Variants in CFAP210 observed in about 807,000 individuals in gnomAD.
The protein encoded by CFAP210 is cilia- and flagella- associated protein 210.
the CFAP210 span, among the ~76,000 whole-genome samples, chr2:169,690,737 A>G: frequency 6.6e-6 from 1 of 151,236 alleles, no homozygotes; most frequent in East Asian, 1.9e-4. Context: ...CTGCCCCTGG[A>G]CTCCATAATT....
the CFAP210 span, chr2:169,650,424 C>T: frequency 6.2e-7 from 1 of 1,608,084 alleles, no homozygotes. Context: ...TCAGCTTCTG[C>T]AATATCTCTA....
At chr2:169,650,472 A>G in the CFAP210 span, 1 of 1,599,862 alleles carries the variant, frequency 6.3e-7, no homozygotes, top group Non-Finnish European at 8.5e-7. Flanking sequence ...TTCTCTTTCA[A>G]CAGTTCACTC....
At chr2:169,693,330 T>C in the CFAP210 span, among the ~76,000 whole-genome samples, 1 of 152,234 alleles carries the variant, frequency 6.6e-6, no homozygotes, top group Non-Finnish European at 1.5e-5. Context: ...CAGAAATGCA[T>C]ATGCAGGAAA....
the CFAP210 span, chr2:169,645,636 T>C: frequency 1.9e-6 from 1 of 524,508 alleles, no homozygotes; most frequent in African/African-American, 1.9e-5. Flanking sequence ...ATTTAAAAAG[T>C]AAACTTGTGT....
the CFAP210 span, chr2:169,694,329 A>G: frequency 0.42 from 674,579 of 1,612,478 alleles, 144,162 homozygotes; most frequent in Middle Eastern, 0.46. Context: ...GGTGTCCATG[A>G]TGCTCCTAGA....
chr2:169,658,857 A>G, the CFAP210 span: 8 of 193,476 alleles, frequency 4.1e-5, no homozygotes, highest in Non-Finnish European at 6.4e-5. Context: ...CAGTTGTGGT[A>G]GCTCATGTCT....
the CFAP210 span, chr2:169,674,927 C>T: frequency 1.3e-6 from 2 of 1,535,990 alleles, no homozygotes; most frequent in African/African-American, 1.4e-5. Flanking sequence ...TTTCAATGGC[C>T]TTTTTTCTTT....
chr2:169,669,301 G>A, the CFAP210 span, among the ~76,000 whole-genome samples: 1 of 152,178 alleles, frequency 6.6e-6, no homozygotes, highest in Non-Finnish European at 1.5e-5. Context: ...ACTGGTAAGA[G>A]AGGAGGTTGC....
the CFAP210 span, among the ~76,000 whole-genome samples, chr2:169,662,646 A>G: frequency 9.9e-5 from 15 of 152,222 alleles, no homozygotes; most frequent in Non-Finnish European, 2.1e-4. Flanking sequence ...TCCTTGCTTC[A>G]AAATTTATTT....
At chr2:169,662,416 T>TC in the CFAP210 span, 3 of 1,596,452 alleles carry the variant, frequency 1.9e-6, no homozygotes, top group Non-Finnish European at 2.6e-6. Context: ...TCTTTCCTCT[T>TC]CTTCCTCATG....
At chr2:169,664,050 T>C in the CFAP210 span, among the ~76,000 whole-genome samples, 1 of 149,790 alleles carries the variant, frequency 6.7e-6, no homozygotes, top group Admixed American at 6.7e-5. Context: ...AAAAAAAAAT[T>C]TGGCCGGATG....
the CFAP210 span, among the ~76,000 whole-genome samples, chr2:169,676,894 C>G: frequency 1.3e-5 from 2 of 152,138 alleles, no homozygotes; most frequent in Admixed American, 1.3e-4. Flanking sequence ...CTCTCAGTGC[C>G]TCAAACAATG....
chr2:169,660,610 T>G, the CFAP210 span, among the ~76,000 whole-genome samples: 2 of 148,466 alleles, frequency 1.3e-5, no homozygotes, highest in East Asian at 1.9e-4. Flanking sequence ...ATATATTTTT[T>G]TTTTTTTCTT....
chr2:169,662,411 C>T, the CFAP210 span: 2 of 1,595,708 alleles, frequency 1.3e-6, no homozygotes, highest in East Asian at 2.2e-5. Flanking sequence ...TTCCTTCTTT[C>T]CTCTTCTTCC....
chr2:169,692,360 A>G, the CFAP210 span, among the ~76,000 whole-genome samples: 1 of 151,998 alleles, frequency 6.6e-6, no homozygotes, highest in African/African-American at 2.4e-5. Context: ...AGGTGCCAGC[A>G]TCTGGCAGGG....
the CFAP210 span, chr2:169,675,141 G>T: frequency 2.3e-6 from 2 of 880,748 alleles, no homozygotes; most frequent in African/African-American, 1.8e-5. Context: ...TGTTTTTATT[G>T]TATTTGTAAT....
the CFAP210 span, among the ~76,000 whole-genome samples, chr2:169,685,033 G>A: frequency 6.6e-6 from 1 of 152,152 alleles, no homozygotes; most frequent in African/African-American, 2.4e-5. Context: ...TCAGTTGATG[G>A]ATATTAGGGG....
the CFAP210 span, chr2:169,694,372 G>T: frequency 6.3e-7 from 1 of 1,580,606 alleles, no homozygotes; most frequent in Non-Finnish European, 8.7e-7. Context: ...CAAGCGCCGC[G>T]GACGCCAGCC....
chr2:169,690,556 A>G, the CFAP210 span, among the ~76,000 whole-genome samples: 2 of 151,816 alleles, frequency 1.3e-5, no homozygotes, highest in Admixed American at 6.6e-5. Context: ...CCAGCTACTC[A>G]GGAGGCTGAG....
Sources: allele counts gnomAD v4.1 joint callset (sites outside exome capture counted in the v4.1 genomes callset), GRCh38; gene constraint gnomAD v4.1.1; transcripts MANE v1.5; gene names NCBI Gene and HGNC (gene_info 2026-07-23, HGNC 2026-07-21).